The following TMEM132D variants were observed in gnomAD, a reference collection of about 807,000 sequenced individuals.
TMEM132D encodes the protein mature OL transmembrane protein.
A neutral mutation model predicts 62.3 loss-of-function variants in TMEM132D; 21 were observed. That is an observed-to-expected ratio of 0.34 (90% CI 0.24 to 0.49). The LOEUF (loss-of-function observed/expected upper bound fraction) is 0.49, where lower values mean the gene tolerates loss of function less well. Ranked by LOEUF, TMEM132D falls within the 20% of genes least tolerant of loss-of-function variation. The probability of loss-of-function intolerance (pLI) is 0.99; values close to 1 mark genes in which losing one functional copy is unlikely to be tolerated. For missense variants in TMEM132D, 1,346 were observed against 1,402.8 expected, an observed-to-expected ratio of 0.96 and a Z score of 0.65; for synonymous variants, 621 against 575.6, an observed-to-expected ratio of 1.08 and a Z score of -1.13.
At chr12:129,875,981 G>A (rs762181908) in intron 1 of TMEM132D, among the ~76,000 whole-genome samples, 6 of 152,064 alleles carry the variant, frequency 3.9e-5, no homozygotes, top group Non-Finnish European at 7.4e-5. Flanking sequence ...CCAGCCATCC[G>A]TTCATTATTT....
chr12:129,585,814 C>CAT (rs1878010642), intron 2 of TMEM132D, among the ~76,000 whole-genome samples: 1 of 82,730 alleles, frequency 1.2e-5, no homozygotes, highest in Non-Finnish European at 2.2e-5. Flanking sequence ...GATATGCATG[C>CAT]ATGTGTGTGT....
At chr12:129,401,806 C>T (rs547606600) in intron 3 of TMEM132D, among the ~76,000 whole-genome samples, 171 of 152,256 alleles carry the variant, frequency 1.1e-3, no homozygotes, top group Non-Finnish European at 2.3e-3. Flanking sequence ...CACCTCTGTT[C>T]TCCTGCCTCC....
chr12:129,903,177 G>A lies in TMEM132D; in HGVS notation c.79+84C>T. 1 of 1,410,732 alleles carries A rather than the reference G, an allele frequency of 7.1e-7. No homozygotes were observed. The highest frequency in any genetic ancestry group is 9.8e-7 in the Non-Finnish European group (1 of 1,025,462). The allele number at this position is 1,410,732 out of a possible 1,614,324, so 87.4% of individuals were successfully genotyped here. A position where few individuals can be genotyped will look rare whatever the true frequency, so the allele number is the denominator to read the frequency against. ...CACTTGCACACGAGCCCTCTCTCCC[G>A]GCCGCCCCCATCCTCCACACACTCC... On this transcript the variant is annotated intron_variant, in intron 1 of 8. Coordinates refer to ENST00000422113, the MANE Select transcript of TMEM132D (RefSeq NM_133448.3). This position sits in a 1 kb window ranked among gnomAD's most constrained non-coding sequence, Gnocchi z 6.2.
At chr12:129,560,661 G>A (rs1217063089) in intron 2 of TMEM132D, among the ~76,000 whole-genome samples, 2 of 152,102 alleles carry the variant, frequency 1.3e-5, no homozygotes, top group South Asian at 2.1e-4. Flanking sequence ...GAATAAATTA[G>A]GCAGGTGAAG....
intron 4 of TMEM132D, among the ~76,000 whole-genome samples, chr12:129,246,782 T>A (rs7976975): frequency 0.98 from 149,424 of 151,818 alleles, 73,560 homozygotes; most frequent in Middle Eastern, 1. Context: ...AAAAAAAAGA[T>A]AGAAAGTAGG....
chr12:129,120,241 T>A (rs1473076959), intron 5 of TMEM132D, among the ~76,000 whole-genome samples: 1 of 152,142 alleles, frequency 6.6e-6, no homozygotes, highest in Non-Finnish European at 1.5e-5. Flanking sequence ...TGAGGTACAG[T>A]CTATGGGGGC....
At chr12:129,586,364 T>C (rs1878030593) in intron 2 of TMEM132D, among the ~76,000 whole-genome samples, 1 of 152,174 alleles carries the variant, frequency 6.6e-6, no homozygotes, top group Non-Finnish European at 1.5e-5. Flanking sequence ...CTATCTTAGA[T>C]TGTGCTTGTG....
chr12:129,356,779 C>T (rs1163674158), intron 3 of TMEM132D, among the ~76,000 whole-genome samples: 4 of 150,906 alleles, frequency 2.7e-5, no homozygotes, highest in East Asian at 4.0e-4. Flanking sequence ...GTGGGAGGAT[C>T]GCTTGAGCCT....
At chr12:129,360,012 A>C (rs7313894) in intron 3 of TMEM132D, among the ~76,000 whole-genome samples, 120,497 of 150,892 alleles carry the variant, frequency 0.8, 48,259 homozygotes, top group South Asian at 0.92. Context: ...AAAAAAAAAA[A>C]CCCCATTTTT....
rs956964576 is a variant in TMEM132D at position 129,428,000 on chromosome 12, C to T, written c.1116-90183G>A. On this transcript the variant is annotated intron_variant, in intron 3 of 8. Transcript: ENST00000422113. ...CAGAAATTTCTCCATGGGAAATTTA[C>T]ACTTCTATAAAAATTCATATATAAT... Among the ~76,000 whole-genome samples, 9 of 152,140 alleles carry T rather than the reference C, an allele frequency of 5.9e-5. 1 individual carries two copies. The highest frequency in any genetic ancestry group is 2.6e-4 in the Admixed American group (4 of 15,278).
At chr12:129,659,077 TG>T (rs550190348) in intron 2 of TMEM132D, among the ~76,000 whole-genome samples, 2 of 151,576 alleles carry the variant, frequency 1.3e-5, no homozygotes, top group South Asian at 4.2e-4. Context: ...ATTTTTTTTT[TG>T]TTGTTTGTTT....
At chr12:129,787,602 C>T (rs947341297) in intron 1 of TMEM132D, among the ~76,000 whole-genome samples, 4 of 152,200 alleles carry the variant, frequency 2.6e-5, no homozygotes, top group Admixed American at 1.3e-4. Context: ...CAAGAAGGGC[C>T]ACTTTCCTCC....
chr12:129,220,526 T>C (rs903984936), intron 4 of TMEM132D, among the ~76,000 whole-genome samples: 3 of 152,008 alleles, frequency 2.0e-5, no homozygotes, highest in African/African-American at 4.8e-5. Context: ...TCAGAGAGAG[T>C]ATTTTGTGGG....
chr12:129,322,592 C>T (rs1050120319), intron 4 of TMEM132D, among the ~76,000 whole-genome samples: 2 of 152,064 alleles, frequency 1.3e-5, no homozygotes, highest in Non-Finnish European at 2.9e-5. Context: ...TACTACAAGG[C>T]AAATTCCTTT....
Position 129,714,985 on chromosome 12 carries a change from T to C in TMEM132D, c.80-14287A>G, listed in dbSNP as rs574663732. On this transcript the variant is annotated intron_variant, in intron 1 of 8. Transcript: ENST00000422113. ...CCCCATCCTCACCCCCATCAGGCAA[T>C]CAGTATGCAGGGAAAGAACTTCATT... Among the ~76,000 whole-genome samples the C allele has an allele frequency of 6.8e-4, 104 of 152,254 alleles. 2 individuals are homozygous for C. Among genetic ancestry groups the C allele is most frequent in the Admixed American group, 6.7e-3 (102 of 15,288 alleles).
rs374624746 is a variant in TMEM132D at position 129,464,681 on chromosome 12, C to T, written c.1115+66378G>A. On this transcript the variant is annotated intron_variant, in intron 3 of 8. Transcript: ENST00000422113. ...TAAGGAAGGGATCCAGTTTCAGCTT[C>T]CTACATATGGCTAGCCAGTTTTCCC... 3.7e-4 allele frequency among the ~76,000 whole-genome samples: 56 copies of T among 152,116 alleles called. 1 individual carries two copies. Among genetic ancestry groups the T allele is most frequent in the African/African-American group, 1.2e-3 (48 of 41,506 alleles).
At chr12:129,153,961 C>G (rs1877157012) in intron 5 of TMEM132D, among the ~76,000 whole-genome samples, 1 of 152,184 alleles carries the variant, frequency 6.6e-6, no homozygotes, top group South Asian at 2.1e-4. Context: ...AGGCTTTTGT[C>G]CATTCCAGGC....
At chr12:129,875,227 G>A (rs763257484) in intron 1 of TMEM132D, among the ~76,000 whole-genome samples, 2 of 152,194 alleles carry the variant, frequency 1.3e-5, no homozygotes, top group Non-Finnish European at 1.5e-5. Context: ...GCGCAAGGTC[G>A]TGGCTTAGAA....
chr12:129,325,550 A>G lies in TMEM132D; in HGVS notation c.1299+12084T>C, dbSNP rs117725629. Among the ~76,000 whole-genome samples the G allele has an allele frequency of 1.4e-3, 215 of 152,300 alleles. 3 individuals carry two copies. In the East Asian group the frequency reaches 0.04, roughly 28 times the overall value. On this transcript the variant is annotated intron_variant, in intron 4 of 8. Coordinates refer to ENST00000422113, the MANE Select transcript of TMEM132D (RefSeq NM_133448.3). ...GTGGTTCTTTCTTGTGAGAAATACAACAAGTCTCACGGATACAAGAGAGGA... is the reference window on the plus strand; with the variant it reads ...GTGGTTCTTTCTTGTGAGAAATACAGCAAGTCTCACGGATACAAGAGAGGA...
Sources: gnomAD v4.1 joint callset for allele counts (sites outside exome capture counted in the v4.1 genomes callset) on GRCh38, gnomAD v4.1.1 for gene constraint, Gnocchi (gnomAD v3.1) non-coding constraint, MANE v1.5 for transcripts, NCBI Gene and HGNC (gene_info 2026-07-23, HGNC 2026-07-21) for gene names.